Variants in DOCK3 observed in about 807,000 individuals in gnomAD.
The protein encoded by DOCK3 is dedicator of cytokinesis 3.
DOCK3 carries 60 observed loss-of-function variants against 265.6 expected under a neutral mutation model. That is an observed-to-expected ratio of 0.23 (90% CI 0.18 to 0.28). The LOEUF is 0.28. DOCK3 is among the 10% of genes least tolerant of loss of function. The pLI, the probability that DOCK3 is intolerant of heterozygous loss-of-function variation, is 1.00. For synonymous variants in DOCK3, 881 were observed against 938.0 expected, an observed-to-expected ratio of 0.94 and a Z score of 1.11; for missense variants, 1,981 against 2,594.3, an observed-to-expected ratio of 0.76 and a Z score of 5.14.
intron 5 of DOCK3, among the ~76,000 whole-genome samples, chr3:50,977,306 A>G (rs370745307): frequency 0.093 from 14,101 of 151,224 alleles, 791 homozygotes; most frequent in Non-Finnish European, 0.12. Context: ...CATGTTTAGC[A>G]CTTCCTTCAG....
intron 10 of DOCK3, among the ~76,000 whole-genome samples, chr3:51,149,833 A>G (rs1576244811): frequency 6.6e-6 from 1 of 152,174 alleles, no homozygotes; most frequent in Non-Finnish European, 1.5e-5. Context: ...AGGCTTTGGT[A>G]TCAGGATGAT....
At chr3:51,158,358 C>T (rs2085957199) in intron 10 of DOCK3, among the ~76,000 whole-genome samples, 1 of 152,102 alleles carries the variant, frequency 6.6e-6, no homozygotes, top group Non-Finnish European at 1.5e-5. Context: ...CCAGCTCTGG[C>T]AACATAGCAA....
intron 22 of DOCK3, among the ~76,000 whole-genome samples, chr3:51,247,365 T>G (rs958567402): frequency 2.0e-5 from 3 of 152,240 alleles, no homozygotes; most frequent in Non-Finnish European, 4.4e-5. Flanking sequence ...GGCAGCCCTT[T>G]GTATTGCTGG....
chr3:50,754,403 A>G (rs1007723921), intron 1 of DOCK3, among the ~76,000 whole-genome samples: 7 of 152,246 alleles, frequency 4.6e-5, no homozygotes, highest in South Asian at 2.1e-4. Flanking sequence ...ATTCTCATGT[A>G]ACAAATCTGT....
chr3:51,130,927 C>T (rs1322032290), intron 9 of DOCK3, among the ~76,000 whole-genome samples: 1 of 152,112 alleles, frequency 6.6e-6, no homozygotes, highest in African/African-American at 2.4e-5. Context: ...AGGCTGGTCT[C>T]AAACTTCTGA....
chr3:50,727,228 G>A (rs1396421868), intron 1 of DOCK3, among the ~76,000 whole-genome samples: 1 of 152,152 alleles, frequency 6.6e-6, no homozygotes, highest in Non-Finnish European at 1.5e-5. Flanking sequence ...AGCCTATGGT[G>A]TTTAGAGGAA....
At chr3:50,742,566 C>T (rs1392121018) in intron 1 of DOCK3, among the ~76,000 whole-genome samples, 15 of 151,634 alleles carry the variant, frequency 9.9e-5, no homozygotes, top group South Asian at 2.1e-4. Flanking sequence ...CCTCAGGAGC[C>T]GATGCGATCA....
chr3:51,180,460 G>A (rs1180244341), intron 12 of DOCK3, among the ~76,000 whole-genome samples: 1 of 152,152 alleles, frequency 6.6e-6, no homozygotes, highest in African/African-American at 2.4e-5. Flanking sequence ...AGGGAAGAAT[G>A]TATTGTTTGC....
intron 5 of DOCK3, among the ~76,000 whole-genome samples, chr3:50,999,696 A>AG (rs1310947239): frequency 6.6e-6 from 1 of 152,206 alleles, no homozygotes; most frequent in African/African-American, 2.4e-5. Context: ...GTGCAAAAAA[A>AG]AGGCTTAGAC....
rs190999509 is a variant in DOCK3, at chr3:51,303,286, G to A, written c.2923-6946G>A. ...GGTAATTTATGTTCCTCTCTAAACT[G>A]GCTCTTCTGGTTAACAGCTCCTGTA... On this transcript the variant is annotated intron_variant, in intron 27 of 52. Coordinates refer to ENST00000266037, the MANE Select transcript of DOCK3 (RefSeq NM_004947.5). 6.7e-4 allele frequency among the ~76,000 whole-genome samples: 102 copies of A among 152,234 alleles called. 1 individual carries two copies. Among genetic ancestry groups the A allele is most frequent in the African/African-American group, 2.5e-3 (102 of 41,538 alleles).
At chr3:51,006,447 C>G (rs1333064707) in intron 5 of DOCK3, among the ~76,000 whole-genome samples, 3 of 152,156 alleles carry the variant, frequency 2.0e-5, no homozygotes, top group Non-Finnish European at 2.9e-5. Context: ...AATCAAAATA[C>G]TTTAAAATGG....
intron 3 of DOCK3, among the ~76,000 whole-genome samples, chr3:50,842,874 T>G (rs1386186405): frequency 6.6e-6 from 1 of 152,254 alleles, no homozygotes; most frequent in African/African-American, 2.4e-5. Flanking sequence ...ATGAGGAATC[T>G]TATAAATGAA....
intron 22 of DOCK3, among the ~76,000 whole-genome samples, chr3:51,252,981 A>G (rs965320558): frequency 1.3e-5 from 2 of 152,186 alleles, no homozygotes; most frequent in Non-Finnish European, 2.9e-5. Flanking sequence ...CCCATTCAGT[A>G]TGATATTGGC....
intron 5 of DOCK3, among the ~76,000 whole-genome samples, chr3:51,006,891 G>T (rs979563296): frequency 1.3e-5 from 2 of 152,148 alleles, no homozygotes; most frequent in Non-Finnish European, 2.9e-5. Flanking sequence ...TTCTGTCCTT[G>T]CGATAGTTTG....
chr3:50,977,258 G>A (rs1475337909), intron 5 of DOCK3, among the ~76,000 whole-genome samples: 1 of 151,698 alleles, frequency 6.6e-6, no homozygotes, highest in East Asian at 1.9e-4. Flanking sequence ...TTACATTTTG[G>A]CATGATTTTG....
chr3:50,875,907 G>A (rs1220181513), intron 3 of DOCK3, among the ~76,000 whole-genome samples: 2 of 150,900 alleles, frequency 1.3e-5, no homozygotes, highest in African/African-American at 2.4e-5. Context: ...CCTGTTCGCT[G>A]TTGAGATAAT....
intron 5 of DOCK3, among the ~76,000 whole-genome samples, chr3:50,968,731 G>A (rs898986867): frequency 1.3e-5 from 2 of 152,052 alleles, no homozygotes; most frequent in African/African-American, 4.8e-5. Flanking sequence ...TGTATTTTTA[G>A]TAGAGACGGG....
At chr3:50,751,023 GATTA>G (rs2039767280) in intron 1 of DOCK3, among the ~76,000 whole-genome samples, 1 of 152,032 alleles carries the variant, frequency 6.6e-6, no homozygotes, top group South Asian at 2.1e-4. Flanking sequence ...AAAATTTTAA[GATTA>G]ATTAGCAATG....
chr3:51,058,598 C>T (rs1283817342), intron 5 of DOCK3, among the ~76,000 whole-genome samples: 1 of 152,046 alleles, frequency 6.6e-6, no homozygotes, highest in Non-Finnish European at 1.5e-5. Context: ...TACGTATATG[C>T]CATCTTAGTT....
Sources: allele counts gnomAD v4.1 joint callset (sites outside exome capture counted in the v4.1 genomes callset), GRCh38; gene constraint gnomAD v4.1.1; transcripts MANE v1.5; gene names NCBI Gene and HGNC (gene_info 2026-07-23, HGNC 2026-07-21).